The following C4orf50 variants were observed in gnomAD, a reference collection of about 807,000 sequenced individuals.
C4orf50 encodes the protein uncharacterized protein C4orf50.
In C4orf50, 80 loss-of-function variants were observed where a neutral mutation model predicts 77.2. The ratio of observed to expected loss-of-function variants is 1.04; its 90% CI spans 0.87 to 1.25. The LOEUF (loss-of-function observed/expected upper bound fraction) is 1.25. Among genes scored for constraint, C4orf50 ranks in the 50% most tolerant of loss-of-function variants. The probability of loss-of-function intolerance (pLI) is 0.00; values close to 1 mark genes in which losing one functional copy is unlikely to be tolerated. For missense variants in C4orf50, 1,257 were observed against 1,152.9 expected (o/e 1.09, Z -1.31); for synonymous variants, 532 against 465.3 (o/e 1.14, Z -1.84).
chr4:5,941,837 A>G (rs1279058485), intron 7 of C4orf50, among the ~76,000 whole-genome samples: 1 of 152,076 alleles, frequency 6.6e-6, no homozygotes, highest in Non-Finnish European at 1.5e-5. Context: ...CCAATTTACA[A>G]TGGGACTCCT....
At chr4:5,983,095 C>T (rs1720682526) in intron 28 of C4orf50, among the ~76,000 whole-genome samples, 1 of 152,170 alleles carries the variant, frequency 6.6e-6, no homozygotes, top group African/African-American at 2.4e-5. Context: ...CCGTGGACTC[C>T]AGCTCCACTT....
At chr4:6,012,735 C>T (rs907161667) in intron 23 of C4orf50, among the ~76,000 whole-genome samples, 7 of 152,158 alleles carry the variant, frequency 4.6e-5, no homozygotes, top group East Asian at 1.9e-4. Context: ...GGGAGACACA[C>T]GCAGGGTCGG....
In C4orf50 at chr4:5,988,327, G is replaced by A; in HGVS notation, c.3699+20C>T. 1 of 1,609,960 alleles carries A rather than the reference G, an allele frequency of 6.2e-7. No homozygotes were observed. The highest frequency in any genetic ancestry group is 8.5e-7 in the Non-Finnish European group (1 of 1,177,896). On this transcript the variant is annotated intron_variant, in intron 28 of 33. Transcript: ENST00000531445. Reference sequence around the variant, plus strand: ...CAGAGTCATGCGTGATGAGTAAGCAGATATGCAGACCCAACCTACCATGGG... The same window carrying A: ...CAGAGTCATGCGTGATGAGTAAGCAAATATGCAGACCCAACCTACCATGGG...
chr4:5,912,699 G>C (rs1341392448), intron 7 of C4orf50, among the ~76,000 whole-genome samples: 1 of 152,236 alleles, frequency 6.6e-6, no homozygotes, highest in Non-Finnish European at 1.5e-5. Flanking sequence ...GAGGGAAGCA[G>C]GAGGCAGAGG....
chr4:5,927,629 GTCTC>G (rs1193758558), intron 7 of C4orf50, among the ~76,000 whole-genome samples: 2 of 150,144 alleles, frequency 1.3e-5, no homozygotes, highest in Admixed American at 6.6e-5. Flanking sequence ...CTCTCCCTCT[GTCTC>G]TCTCTCTCTG....
chr4:5,953,471 C>T (rs138212852), downstream of C4orf50, among the ~76,000 whole-genome samples: 1 of 152,206 alleles, frequency 6.6e-6, no homozygotes, highest in African/African-American at 2.4e-5. Context: ...GGTGGAGTCA[C>T]AGTAACTTCC....
At chr4:5,979,861 G>A (rs898609204) in intron 29 of C4orf50, among the ~76,000 whole-genome samples, 4 of 152,206 alleles carry the variant, frequency 2.6e-5, no homozygotes, top group African/African-American at 7.2e-5. Flanking sequence ...CTGCACCACT[G>A]TATCATAGTC....
Position 5,933,863 on chromosome 4 carries a change from G to T in C4orf50, c.*2474+23038C>A, listed in dbSNP as rs528089894. On this transcript the variant is annotated intron_variant, in intron 7 of 7. Coordinates refer to the C4orf50 transcript ENST00000324058. ...TCCAAGATAGAATAAAAGCCAATGT[G>T]GGGGTCCTGGTGACAAGACTGTTGG... Among the ~76,000 whole-genome samples, 9 of 152,260 alleles carry T rather than the reference G, an allele frequency of 5.9e-5. No homozygotes were observed. The South Asian group carries it at 1.2e-3, about 21-fold the overall frequency.
At chr4:5,903,220 T>C (rs1449576632) in intron 7 of C4orf50, 2 of 122,662 alleles carry the variant, frequency 1.6e-5, no homozygotes, top group Non-Finnish European at 4.0e-5. Flanking sequence ...GGAAGCCCGA[T>C]GCTGTCAGAT....
At chr4:5,985,877 G>A (rs1720828233) in intron 28 of C4orf50, among the ~76,000 whole-genome samples, 1 of 152,146 alleles carries the variant, frequency 6.6e-6, no homozygotes, top group Admixed American at 6.6e-5. Context: ...GTTGAGGCAG[G>A]AGAATCACTT....
rs1380697103 is a variant in C4orf50, at chr4:6,009,852, C to T, written c.427-1320G>A. 3.3e-5 allele frequency among the ~76,000 whole-genome samples: 5 copies of T among 152,160 alleles called. No homozygotes were observed. Among genetic ancestry groups the T allele is most frequent in the African/African-American group, 1.2e-4 (5 of 41,416 alleles). ...GCTGGGCCAAGGGGCAACTGAGAGA[C>T]CCTAAGCAATTTCCCTATCACTTTG... is the stretch of plus-strand genomic sequence containing the variant. On this transcript the variant is annotated intron_variant, in intron 24 of 33. Transcript: ENST00000531445. The surrounding 1 kb of genome is among the most constrained non-coding windows in gnomAD (Gnocchi z 5.6).
At chr4:5,917,997 G>C (rs1321270851) in intron 7 of C4orf50, among the ~76,000 whole-genome samples, 1 of 152,156 alleles carries the variant, frequency 6.6e-6, no homozygotes, top group Non-Finnish European at 1.5e-5. Context: ...TGACGACTAA[G>C]AAAAATGATT....
At chr4:5,953,540 G>T (rs537345316), downstream of C4orf50, among the ~76,000 whole-genome samples, 1 of 152,340 alleles carries the variant, frequency 6.6e-6, no homozygotes, top group East Asian at 1.9e-4. Context: ...GTAGGACTCA[G>T]TGACAGCAGT....
chr4:5,953,599 C>A (rs1252100296), downstream of C4orf50, among the ~76,000 whole-genome samples: 1 of 152,196 alleles, frequency 6.6e-6, no homozygotes, highest in Non-Finnish European at 1.5e-5. Flanking sequence ...CATCCCACGG[C>A]AGGACTGTTC....
chr4:5,928,997 A>G (rs189438054), intron 7 of C4orf50, among the ~76,000 whole-genome samples: 2 of 152,270 alleles, frequency 1.3e-5, no homozygotes, highest in East Asian at 3.9e-4. Context: ...TCATTGTCCC[A>G]CTCATCATTG....
intron 7 of C4orf50, among the ~76,000 whole-genome samples, chr4:5,944,151 G>A (rs952060250): frequency 1.3e-5 from 2 of 152,158 alleles, no homozygotes; most frequent in South Asian, 2.1e-4. Flanking sequence ...AGCTTCCCTG[G>A]CCTCCTGGTT....
chr4:5,924,339 G>A (rs754151647), intron 7 of C4orf50, among the ~76,000 whole-genome samples: 17 of 152,164 alleles, frequency 1.1e-4, no homozygotes, highest in Admixed American at 3.3e-4. Context: ...TAAACTGCAG[G>A]AGCTGATGGC....
exon 28 of C4orf50, chr4:5,989,631 C>T (rs1721135901): frequency 6.5e-7 from 1 of 1,536,160 alleles, no homozygotes. Context: ...CCTGTGCAAG[C>T]TCATCGATTG....
intron 7 of C4orf50, among the ~76,000 whole-genome samples, chr4:5,906,284 A>G (rs1716548047): frequency 6.6e-6 from 1 of 152,026 alleles, no homozygotes; most frequent in Admixed American, 6.6e-5. Flanking sequence ...TGCAAGGGGA[A>G]AGGAAGGAAG....
Sources: gnomAD v4.1 joint callset for allele counts (sites outside exome capture counted in the v4.1 genomes callset) on GRCh38, gnomAD v4.1.1 for gene constraint, Gnocchi (gnomAD v3.1) non-coding constraint, MANE v1.5 for transcripts, NCBI Gene and HGNC (gene_info 2026-07-23, HGNC 2026-07-21) for gene names.